The following MED24 variants were observed in gnomAD, a reference collection of about 807,000 sequenced individuals.
MED24 encodes the protein mediator complex subunit 24.
MED24 carries 74 observed loss-of-function variants against 118.8 expected under a neutral mutation model. The observed-to-expected ratio is 0.62, with a 90% confidence interval of 0.52 to 0.76. The LOEUF is 0.76. Ranked by LOEUF, MED24 falls within the 30% of genes least tolerant of loss-of-function variation. MED24 has a pLI of 0.00. For synonymous variants in MED24, 521 were observed against 523.9 expected (o/e 0.99, Z 0.08); for missense variants, 1,041 against 1,278.9 (o/e 0.81, Z 2.84).
Position 40,026,924 on chromosome 17 carries a change from G to A in MED24, c.1641C>T (p.Phe547=). The A allele has an allele frequency of 6.2e-7, 1 of 1,614,184 alleles. No homozygotes were observed. The highest frequency in any genetic ancestry group is 8.5e-7 in the Non-Finnish European group (1 of 1,180,040). The change falls in exon 17 of 26, where the codon TTC becomes TTT. Residue 547 remains phenylalanine (F), a synonymous_variant. Coordinates refer to ENST00000394128, the MANE Select transcript of MED24 (RefSeq NM_014815.4). ...GKILNPDHPC[F]RPDSTKVESL... is the part of the protein sequence containing the mutation. ...ACTCCACTTTGGTGGAGTCGGGGCG[G>A]AAGCAGGGGTGGTCAGGGTTCAGGA...
intron 3 of MED24, among the ~76,000 whole-genome samples, chr17:40,046,079 T>TA (rs1172480211): frequency 1.2e-4 from 16 of 134,414 alleles, no homozygotes; most frequent in Admixed American, 2.3e-4. Context: ...GCCCAGCCTC[T>TA]AAAAAAAATT....
chr17:40,022,743 TTGC>T lies in MED24; in HGVS notation c.2331_2333del (p.Gln778del), dbSNP rs1189322475. ...TGTGGCCCAGCAGGACCAGGGTCACTTGCTGCATGTCCAGGCAGAAGATGGAGT... is the reference window on the plus strand; with the variant it reads ...TGTGGCCCAGCAGGACCAGGGTCACTTGCATGTCCAGGCAGAAGATGGAGT... On this transcript the variant is annotated inframe_deletion, in exon 21 of 26. Coordinates refer to ENST00000394128, the MANE Select transcript of MED24 (RefSeq NM_014815.4). 1.2e-6 allele frequency: 2 copies of T among 1,613,914 alleles called. No individual in the cohort carries two copies. The highest frequency in any genetic ancestry group is 2.2e-5 in the South Asian group (2 of 91,072).
At chr17:40,025,557 TCAGTG>T (rs1982545942) in intron 19 of MED24, among the ~76,000 whole-genome samples, 1 of 152,222 alleles carries the variant, frequency 6.6e-6, no homozygotes, top group African/African-American at 2.4e-5. Flanking sequence ...AAGCTGTTGT[TCAGTG>T]GGTATGGAGT....
At chr17:40,050,055 CAGA>C (rs1319889032) in intron 3 of MED24, among the ~76,000 whole-genome samples, 5 of 143,496 alleles carry the variant, frequency 3.5e-5, no homozygotes, top group African/African-American at 1.0e-4. Context: ...GAGGCTGAGG[CAGA>C]AGAATTGCTT....
In MED24 at chr17:40,029,927, G is replaced by A. The variant is rs150194598; in HGVS notation, c.1155-68C>T. On this transcript the variant is annotated intron_variant, in intron 12 of 25. Coordinates refer to ENST00000394128, the MANE Select transcript of MED24 (RefSeq NM_014815.4). The stretch of plus-strand genomic sequence containing the variant: ...AGAGAAATTCTTGACACGTTCCCTC[G>A]TTCAAGCCCGGAAGGAAATGCGCAG... 1,184 of 1,420,828 alleles carry A rather than the reference G, an allele frequency of 8.3e-4. 18 individuals are homozygous for A. The East Asian group carries it at 0.021, about 25-fold the overall frequency. 88.0% of individuals were successfully genotyped at this position (1,420,828 alleles called of 1,614,324 possible). A position where few individuals can be genotyped will look rare whatever the true frequency, so the allele number is the denominator to read the frequency against.
intron 3 of MED24, among the ~76,000 whole-genome samples, chr17:40,044,459 G>A (rs184161360): frequency 6.8e-4 from 103 of 152,018 alleles, no homozygotes; most frequent in Middle Eastern, 3.4e-3. Flanking sequence ...GGCAGAGGTT[G>A]CAGTGAGCCA....
In MED24 at chr17:40,027,018, G is replaced by A; in HGVS notation, c.1547C>T (p.Ser516Leu). The change falls in exon 17 of 26, where the codon TCG (serine) becomes TTG (leucine). Residue 516 changes from serine to leucine, a missense_variant. Ser to Leu is a moderately radical substitution (Grantham distance 145, BLOSUM62 -2). Coordinates refer to ENST00000394128, the MANE Select transcript of MED24 (RefSeq NM_014815.4). The part of the protein sequence containing the change: ...TYGSEVILSE[S>L]RTGAEVPFFE... The stretch of plus-strand genomic sequence containing the variant: ...GAAGGGCACCTCAGCTCCTGTGCGC[G>A]ACTCGGACAGAATCACCTGGGAAAG... 1.2e-6 allele frequency: 2 copies of A among 1,614,062 alleles called. No homozygotes were observed. Among genetic ancestry groups the A allele is most frequent in the South Asian group, 1.1e-5 (1 of 91,074 alleles).
At chr17:40,052,445 A>G (rs1013871050) in intron 3 of MED24, among the ~76,000 whole-genome samples, 3 of 152,152 alleles carry the variant, frequency 2.0e-5, no homozygotes, top group South Asian at 2.1e-4. Context: ...GTGACTGCTT[A>G]TTTACATGTC....
chr17:40,022,662 C>CG lies in MED24; in HGVS notation c.2414dup (p.Thr807HisfsTer35), dbSNP rs1568154834. 6 of 1,613,246 alleles carry CG rather than the reference C, an allele frequency of 3.7e-6. No homozygotes were observed. The highest frequency in any genetic ancestry group is 1.1e-5 in the South Asian group (1 of 91,026). ...AATCTTACTTGGCAAGAGCAGTGCC[C>CG]GGGGGGTCCATGAGGCTGTGCCACT... On this transcript the variant is annotated frameshift_variant, in exon 21 of 26. Coordinates refer to ENST00000394128, the MANE Select transcript of MED24 (RefSeq NM_014815.4). LOFTEE classifies it high-confidence loss of function.
chr17:40,026,481 C>A, intron 18 of MED24, 150 bp from the exon 19 acceptor site: 1 of 1,172,708 alleles, frequency 8.5e-7, no homozygotes, highest in Admixed American at 2.2e-5. Context: ...CTTCCCAGAG[C>A]TACCTGGGCC....
chr17:40,033,309 C>T lies in MED24; in HGVS notation c.671+36G>A, dbSNP rs748989418. The T allele has an allele frequency of 8.1e-6, 13 of 1,612,012 alleles. No homozygotes were observed. The highest frequency in any genetic ancestry group is 1.6e-4 in the Middle Eastern group (1 of 6,082). The stretch of plus-strand genomic sequence containing the variant: ...CTTCCTACCCCAGGGCGTGTCCTCC[C>T]TCTCCCTTCTCCACCATCCCCCAGG... On this transcript the variant is annotated intron_variant, in intron 7 of 25. Coordinates refer to ENST00000394128, the MANE Select transcript of MED24 (RefSeq NM_014815.4). The surrounding 1 kb of genome is among the most constrained non-coding windows in gnomAD (Gnocchi z 5.2).
chr17:40,021,679 C>A (rs1452063740), intron 23 of MED24, among the ~76,000 whole-genome samples: 1 of 100,106 alleles, frequency 1.0e-5, no homozygotes, highest in African/African-American at 3.4e-5. Flanking sequence ...CCCCTCAACC[C>A]TGGGGTAAGG....
In MED24 at chr17:40,027,028, G is replaced by A. The variant is rs1362178080; in HGVS notation, c.1537C>T (p.Leu513=). Residue 513 remains leucine, a synonymous_variant, in exon 17 of 26, where the codon CTG becomes TTG. Coordinates refer to ENST00000394128, the MANE Select transcript of MED24 (RefSeq NM_014815.4). ...TCAGCTCCTGTGCGCGACTCGGACA[G>A]AATCACCTGGGAAAGGGGAAGGGGG... The part of the protein sequence containing the change: ...VAQTYGSEVI[L]SESRTGAEVP... 4 of 1,613,856 alleles carry A rather than the reference G, an allele frequency of 2.5e-6. No individual in the cohort carries two copies. The highest frequency in any genetic ancestry group is 1.3e-5 in the African/African-American group (1 of 74,940).
At chr17:40,036,559 G>A (rs952703764) in intron 3 of MED24, among the ~76,000 whole-genome samples, 3 of 151,720 alleles carry the variant, frequency 2.0e-5, no homozygotes, top group East Asian at 1.9e-4. Context: ...GTGGTGGTGC[G>A]TGCCTATAAT....
chr17:40,037,633 C>T lies in MED24; in HGVS notation c.214-1479G>A, dbSNP rs560902060. 1.4e-3 allele frequency among the ~76,000 whole-genome samples: 217 copies of T among 152,092 alleles called. 1 individual carries two copies. Among genetic ancestry groups the T allele is most frequent in the African/African-American group, 5.0e-3 (207 of 41,488 alleles). On this transcript the variant is annotated intron_variant, in intron 3 of 25. Coordinates refer to ENST00000394128, the MANE Select transcript of MED24 (RefSeq NM_014815.4). Reference sequence around the variant, plus strand: ...TAATTAAAGTTAAATAAAATTTGGCCAGGTGTGGTGGCTCACGCCTGTAAT... The same window carrying T: ...TAATTAAAGTTAAATAAAATTTGGCTAGGTGTGGTGGCTCACGCCTGTAAT...
Position 40,019,780 on chromosome 17 carries a change from C to T in MED24, c.2853+5G>A. ...CAGCAGGAGAGCCGGGAAGGTGGTA[C>T]TCACGGTGGTGAAGGGCATGAACTG... is the stretch of plus-strand genomic sequence containing the variant. On this transcript the variant is annotated splice_donor_5th_base_variant and intron_variant, in intron 25 of 25. Coordinates refer to ENST00000394128, the MANE Select transcript of MED24 (RefSeq NM_014815.4). The T allele has an allele frequency of 6.2e-7, 1 of 1,611,998 alleles. No individual in the cohort carries two copies. Among genetic ancestry groups the T allele is most frequent in the Non-Finnish European group, 8.5e-7 (1 of 1,178,862 alleles).
intron 6 of MED24, 136 bp downstream of exon 6, chr17:40,034,981 G>A (rs1294708067): frequency 1.9e-6 from 3 of 1,607,972 alleles, no homozygotes; most frequent in Non-Finnish European, 2.5e-6. Context: ...TGCTTATGGG[G>A]AGAAAAAAAA....
Position 40,035,298 on chromosome 17 carries a change from G to A in MED24, c.378C>T (p.Ser126=). The change falls in exon 6 of 26, where the codon AGC becomes AGT. Residue 126 remains serine, a synonymous_variant. Coordinates refer to ENST00000394128, the MANE Select transcript of MED24 (RefSeq NM_014815.4). ...ECIGLCRALL[S]ALHWLLRCTA... ...TGCAGCGCAGCAGCCAGTGGAGGGC[G>A]CTAAGAAGGGCTCGGCACAGTCCGA... 1 of 1,611,432 alleles carries A rather than the reference G, an allele frequency of 6.2e-7. No homozygotes were observed.
intron 3 of MED24, among the ~76,000 whole-genome samples, chr17:40,046,824 G>C (rs950454409): frequency 6.6e-6 from 1 of 152,164 alleles, no homozygotes; most frequent in Admixed American, 6.5e-5. Flanking sequence ...GGGAGGCCAA[G>C]GCAGGAGGAT....
Sources: allele counts gnomAD v4.1 joint callset (sites outside exome capture counted in the v4.1 genomes callset), GRCh38; gene constraint gnomAD v4.1.1; non-coding constraint Gnocchi (gnomAD v3.1); transcripts MANE v1.5; gene names NCBI Gene and HGNC (gene_info 2026-07-23, HGNC 2026-07-21).